The following MINK1 variants were observed in gnomAD, a reference collection of about 807,000 sequenced individuals.
MINK1 encodes the protein misshapen-like kinase 1.
In MINK1, 46 loss-of-function variants were observed where a neutral mutation model predicts 178.4. The ratio of observed to expected loss-of-function variants is 0.26; its 90% CI spans 0.20 to 0.33. MINK1 has a LOEUF of 0.33. Among genes scored for constraint, MINK1 ranks in the 10% least tolerant of loss-of-function variants. The pLI is 1.00. For synonymous variants in MINK1, 797 were observed against 709.7 expected, an observed-to-expected ratio of 1.12 and a Z score of -1.96; for missense variants, 1,366 against 1,814.9, an observed-to-expected ratio of 0.75 and a Z score of 4.49.
intron 1 of MINK1, among the ~76,000 whole-genome samples, chr17:4,844,224 C>T (rs1443931822): frequency 6.6e-6 from 1 of 152,116 alleles, no homozygotes; most frequent in Admixed American, 6.5e-5. Flanking sequence ...TGGTCTCGAA[C>T]TCCTGACCTC....
Position 4,836,238 on chromosome 17 carries a change from T to G in MINK1, c.57+2598T>G, listed in dbSNP as rs560662998. Among the ~76,000 whole-genome samples, 3 of 152,298 alleles carry G rather than the reference T, an allele frequency of 2.0e-5. No individual in the cohort carries two copies. Among genetic ancestry groups the G allele is most frequent in the African/African-American group, 7.2e-5 (3 of 41,566 alleles). ...CATATTCAGTATTTATTTGCTGGCC[T>G]TAAGGAGCCCAAGGTGTATTTCTCC... On this transcript the variant is annotated intron_variant, in intron 1 of 31. Transcript: ENST00000355280. The surrounding 1 kb of genome is among the most constrained non-coding windows in gnomAD (Gnocchi z 4.3).
intron 20 of MINK1, 66 bp downstream of exon 20, chr17:4,893,133 G>C (rs528986539): frequency 1.3e-6 from 2 of 1,516,538 alleles, no homozygotes; most frequent in East Asian, 4.9e-5. Flanking sequence ...CAGGGTGCTG[G>C]GTGTCAGGGG....
intron 15 of MINK1, 137 bp downstream of exon 15, chr17:4,891,261 C>A (rs1968784765): frequency 8.6e-7 from 1 of 1,165,710 alleles, no homozygotes; most frequent in Admixed American, 2.9e-5. Flanking sequence ...AGAGCACAGG[C>A]TTTGTGGACA....
chr17:4,893,996 G>C lies in MINK1; in HGVS notation c.2573G>C (p.Gly858Ala). 1.9e-6 allele frequency: 3 copies of C among 1,581,330 alleles called. No homozygotes were observed. Among genetic ancestry groups the C allele is most frequent in the Non-Finnish European group, 2.6e-6 (3 of 1,163,964 alleles). The change falls in exon 22 of 32, where the codon GGG becomes GCG. Residue 858 changes from glycine (G) to alanine (A), a missense_variant. Physicochemically the swap from Gly to Ala is moderately conservative, Grantham distance 60. This residue lies in a region of MINK1 where 709 missense variants were observed against 692.3 expected (regional missense o/e 1.02). Transcript: ENST00000355280. Reference sequence around the variant, plus strand: ...ACCTTCCTCTCTCACAGCAGCGATGGGGATACAGACAGCGTCAGCACCATG... The same window carrying C: ...ACCTTCCTCTCTCACAGCAGCGATGCGGATACAGACAGCGTCAGCACCATG... ...SRDTPGGRSD[G>A]DTDSVSTMVV...
At chr17:4,884,530 C>G in intron 5 of MINK1, 57 bp downstream of exon 5, 1 of 1,332,788 alleles carries the variant, frequency 7.5e-7, no homozygotes, top group Non-Finnish European at 1.1e-6. Context: ...TGGAGTTTCT[C>G]CATGAGCAAA....
Position 4,896,932 on chromosome 17 carries a change from G to T in MINK1, c.3915+119G>T, listed in dbSNP as rs181160156. ...GCTTCCTGAAAGCGGGCCCCTCTGG[G>T]AGCTCAGAGGGCAGTCAGCCACTAC... On this transcript the variant is annotated intron_variant, in intron 31 of 31. Transcript: ENST00000355280. This position sits in a 1 kb window ranked among gnomAD's most constrained non-coding sequence, Gnocchi z 4.6. The T allele has an allele frequency of 4.3e-3, 5,716 of 1,339,632 alleles. 22 individuals are homozygous for T. The highest frequency in any genetic ancestry group is 5.1e-3 in the Non-Finnish European group (5,143 of 1,001,052). The allele number at this position is 1,339,632 out of a possible 1,614,324, so 83.0% of individuals were successfully genotyped here.
chr17:4,844,148 G>T lies in MINK1; in HGVS notation c.57+10508G>T, dbSNP rs533529253. Among the ~76,000 whole-genome samples, 3 of 151,944 alleles carry T rather than the reference G, an allele frequency of 2.0e-5. No homozygotes were observed. In the South Asian group the frequency reaches 6.2e-4, roughly 32 times the overall value. On this transcript the variant is annotated intron_variant, in intron 1 of 31. Transcript: ENST00000355280. ...CCCGAGTAGCTGGGATTACAGGTGC[G>T]CACCACCACACCTGGCTAATTTTTG...
In MINK1 at chr17:4,894,671, T is replaced by A. The variant is rs1382081937; in HGVS notation, c.2917+38T>A. The A allele has an allele frequency of 6.6e-7, 1 of 1,510,192 alleles. No homozygotes were observed. The highest frequency in any genetic ancestry group is 9.1e-7 in the Non-Finnish European group (1 of 1,102,162). The allele number at this position is 1,510,192 out of a possible 1,614,324, so 93.5% of individuals were successfully genotyped here. A position where few individuals can be genotyped will look rare whatever the true frequency, so the allele number is the denominator to read the frequency against. Reference sequence around the variant, plus strand: ...GGACAGACCTGCTGTGAGGCCAGGGTCCAGGGGCAGCCTGGAGGGGAGCAC... The same window carrying A: ...GGACAGACCTGCTGTGAGGCCAGGGACCAGGGGCAGCCTGGAGGGGAGCAC... On this transcript the variant is annotated intron_variant, in intron 24 of 31. Transcript: ENST00000355280. This position sits in a 1 kb window ranked among gnomAD's most constrained non-coding sequence, Gnocchi z 4.1.
intron 19 of MINK1, 99 bp from the exon 20 acceptor site, chr17:4,892,880 T>C: frequency 7.2e-7 from 1 of 1,387,012 alleles, no homozygotes; most frequent in Non-Finnish European, 1.0e-6. Flanking sequence ...AGGACCTGTG[T>C]GGGTATGGAA....
chr17:4,886,391 T>C lies in MINK1; in HGVS notation c.774-60T>C. On this transcript the variant is annotated intron_variant, in intron 9 of 31. Transcript: ENST00000355280. This position sits in a 1 kb window ranked among gnomAD's most constrained non-coding sequence, Gnocchi z 6.1. Reference sequence around the variant, plus strand: ...CTTGTGGATGAATGATCCACCCTCTTCCTCCTGCACCCATCCCTTCTGAGG... The same window carrying C: ...CTTGTGGATGAATGATCCACCCTCTCCCTCCTGCACCCATCCCTTCTGAGG... 6.4e-7 allele frequency: 1 copy of C among 1,558,028 alleles called. No individual in the cohort carries two copies. Among genetic ancestry groups the C allele is most frequent in the Non-Finnish European group, 8.7e-7 (1 of 1,144,624 alleles).
intron 1 of MINK1, chr17:4,847,070 C>G (rs1163087554): frequency 2.3e-6 from 1 of 436,878 alleles, no homozygotes; most frequent in Non-Finnish European, 4.6e-6. Flanking sequence ...GTCCTGGCCT[C>G]ATAACCTCCT....
intron 1 of MINK1, chr17:4,860,812 C>T (rs922590746): frequency 1.5e-5 from 8 of 519,736 alleles, no homozygotes; most frequent in African/African-American, 1.2e-4. Flanking sequence ...CTTAACTGTA[C>T]AGCACCAGTG....
At chr17:4,891,873 C>T (rs995126352) in intron 16 of MINK1, among the ~76,000 whole-genome samples, 157 bp downstream of exon 16, 5 of 152,154 alleles carry the variant, frequency 3.3e-5, no homozygotes, top group African/African-American at 9.7e-5. Context: ...CAGCTGAGGA[C>T]GCGACGTGGA....
intron 1 of MINK1, among the ~76,000 whole-genome samples, chr17:4,846,258 A>G (rs949176463): frequency 6.6e-6 from 1 of 152,238 alleles, no homozygotes; most frequent in African/African-American, 2.4e-5. Flanking sequence ...CAATAGTGTC[A>G]GATTGGAAGG....
intron 1 of MINK1, among the ~76,000 whole-genome samples, chr17:4,870,642 T>C (rs1915748042): frequency 6.6e-6 from 1 of 151,848 alleles, no homozygotes; most frequent in African/African-American, 2.4e-5. Flanking sequence ...TTGGGCGACA[T>C]AGTGAAACCC....
At chr17:4,850,879 A>G in intron 1 of MINK1, 1 of 341,358 alleles carries the variant, frequency 2.9e-6, no homozygotes, top group Non-Finnish European at 5.9e-6. Context: ...TTAGCTTGGT[A>G]TCTGCCAGCC....
intron 1 of MINK1, among the ~76,000 whole-genome samples, chr17:4,865,112 T>G (rs1914739915): frequency 6.6e-6 from 1 of 152,186 alleles, no homozygotes; most frequent in South Asian, 2.1e-4. Context: ...ATCTTTTCTG[T>G]TTTACATGAG....
At position 4,887,326 on chromosome 17, in the gene MINK1, A is replaced by T; in HGVS notation, c.1019+147A>T. 1.2e-6 allele frequency: 1 copy of T among 862,666 alleles called. No homozygotes were observed. Among genetic ancestry groups the T allele is most frequent in the Non-Finnish European group, 1.8e-6 (1 of 546,446 alleles). The allele number at this position is 862,666 out of a possible 1,614,324, so 53.4% of individuals were successfully genotyped here. A position where few individuals can be genotyped will look rare whatever the true frequency, so the allele number is the denominator to read the frequency against. ...GGAAACCAAATTTCTGAGTGCTAAGAAGTGGAACCAATGACTGAGCAAGAG... is the reference window on the plus strand; with the variant it reads ...GGAAACCAAATTTCTGAGTGCTAAGTAGTGGAACCAATGACTGAGCAAGAG... On this transcript the variant is annotated intron_variant, in intron 11 of 31. Coordinates refer to ENST00000355280, the MANE Select transcript of MINK1 (RefSeq NM_153827.5). The surrounding 1 kb of genome is among the most constrained non-coding windows in gnomAD (Gnocchi z 7.6).
chr17:4,837,592 CCTT>C (rs1265477823), intron 1 of MINK1, among the ~76,000 whole-genome samples: 2 of 152,158 alleles, frequency 1.3e-5, no homozygotes, highest in African/African-American at 2.4e-5. Context: ...TCCAGGAGAA[CCTT>C]CTGACTTGGA....
Sources: allele counts gnomAD v4.1 joint callset (sites outside exome capture counted in the v4.1 genomes callset), GRCh38; gene constraint gnomAD v4.1.1; regional missense constraint gnomAD v4.1.1; non-coding constraint Gnocchi (gnomAD v3.1); transcripts MANE v1.5; gene names NCBI Gene and HGNC (gene_info 2026-07-23, HGNC 2026-07-21).